EPS15: variants seen among roughly 807,000 people sequenced by gnomAD.
The protein encoded by EPS15 is epidermal growth factor receptor substrate 15.
In EPS15, 72 loss-of-function variants were observed where a neutral mutation model predicts 113.8. The observed-to-expected ratio is 0.63, with a 90% CI of 0.52 to 0.77. EPS15 has a LOEUF of 0.77. Among genes scored for constraint, EPS15 ranks in the 30% least tolerant of loss-of-function variants. The pLI, the probability that EPS15 is intolerant of heterozygous loss-of-function variation, is 0.00. For missense variants in EPS15, 1,048 were observed against 1,045.8 expected (o/e 1.00, Z -0.03); for synonymous variants, 344 against 363.4 (o/e 0.95, Z 0.61).
At chr1:51,390,698 A>C (rs999529090) in intron 21 of EPS15, among the ~76,000 whole-genome samples, 1 of 152,238 alleles carries the variant, frequency 6.6e-6, no homozygotes, top group Non-Finnish European at 1.5e-5. Context: ...TATGCAGCCA[A>C]CAGACACGTG....
chr1:51,468,134 T>A (rs1654983409), intron 5 of EPS15, among the ~76,000 whole-genome samples: 1 of 151,964 alleles, frequency 6.6e-6, no homozygotes. Context: ...AAATTTTAGA[T>A]TTTTTTGTAG....
chr1:51,482,765 C>T (rs1300692631), intron 1 of EPS15, among the ~76,000 whole-genome samples: 1 of 151,966 alleles, frequency 6.6e-6, no homozygotes, highest in Non-Finnish European at 1.5e-5. Flanking sequence ...CACACCCGGC[C>T]TTAGGAAGTA....
Position 51,421,777 on chromosome 1 carries a change from G to A in EPS15, c.1113+9C>T, listed in dbSNP as rs1477527698. 1 of 1,535,530 alleles carries A rather than the reference G, an allele frequency of 6.5e-7. No homozygotes were observed. The highest frequency in any genetic ancestry group is 1.8e-5 in the Admixed American group (1 of 54,594). ...CAGCAGTGGAACACTAAATTTTATG[G>A]TCACTTACCTGAACCTCACTTGTCC... is the stretch of plus-strand genomic sequence containing the variant. On this transcript the variant is annotated intron_variant, in intron 13 of 24. Coordinates refer to ENST00000371733, the MANE Select transcript of EPS15 (RefSeq NM_001981.3).
chr1:51,475,554 A>T (rs560528445), intron 2 of EPS15, among the ~76,000 whole-genome samples: 12 of 152,196 alleles, frequency 7.9e-5, no homozygotes, highest in African/African-American at 2.6e-4. Flanking sequence ...AATTTGTCTA[A>T]GTTCTTTGTA....
In EPS15 at chr1:51,409,618, G is replaced by A; in HGVS notation, c.1192C>T (p.Leu398Phe). Residue 398 changes from leucine to phenylalanine, a missense_variant, in exon 14 of 25, where the codon CTT becomes TTT. By Grantham distance (22) the Leu-to-Phe change is conservative. Coordinates refer to ENST00000371733, the MANE Select transcript of EPS15 (RefSeq NM_001981.3). ...QAQKQQVQEL[L>F]DELDEQKAQL... ...GCTTTCTGCTCATCCAGTTCATCAA[G>A]GAGTTCCTGTACCTGCTGTTTCTGG... 6.2e-7 allele frequency: 1 copy of A among 1,613,868 alleles called. No individual in the cohort carries two copies.
At chr1:51,397,836 C>T (rs770825839) in intron 20 of EPS15, among the ~76,000 whole-genome samples, 20 of 152,144 alleles carry the variant, frequency 1.3e-4, no homozygotes, top group Non-Finnish European at 2.8e-4. Flanking sequence ...GCTTCAAATG[C>T]TTCTCAGTTA....
intron 11 of EPS15, 49 bp from the exon 12 acceptor site, chr1:51,440,481 A>AT (rs1557471753): frequency 1.1e-6 from 1 of 869,978 alleles, no homozygotes; most frequent in Admixed American, 2.2e-5. Context: ...ATTAGGTAAT[A>AT]TAAGACAAAA....
chr1:51,465,316 C>T lies in EPS15; in HGVS notation c.320G>A (p.Ser107Asn). Residue 107 changes from serine to asparagine, a missense_variant, in exon 6 of 25, where the codon AGT becomes AAT. By Grantham distance (46) the Ser-to-Asn change is conservative. Transcript: ENST00000371733. The part of the protein sequence containing the change: ...AVPPPRFHDT[S>N]SPLLISGTSA... ...GGTTCCACTGATTAGCAAAGGACTA[C>T]TGGTATCATGCTATAGAAGAAAGTA... 2 of 1,608,818 alleles carry T rather than the reference C, an allele frequency of 1.2e-6. No individual in the cohort carries two copies. Among genetic ancestry groups the T allele is most frequent in the Non-Finnish European group, 1.7e-6 (2 of 1,176,036 alleles).
intron 12 of EPS15, among the ~76,000 whole-genome samples, chr1:51,428,183 TCAGA>T (rs1166259597): frequency 2.6e-5 from 4 of 152,122 alleles, no homozygotes; most frequent in African/African-American, 9.7e-5. Flanking sequence ...TAAAATATTC[TCAGA>T]CAAACAAAGG....
chr1:51,460,959 GAAAA>G, intron 8 of EPS15, 128 bp downstream of exon 8: 1 of 475,514 alleles, frequency 2.1e-6, no homozygotes, highest in East Asian at 4.0e-5. Context: ...GTCTCAAAAA[GAAAA>G]AAAAAAAAAG....
chr1:51,357,426 A>ATATATATATAT (rs1443627608), intron 24 of EPS15, among the ~76,000 whole-genome samples: 4 of 53,522 alleles, frequency 7.5e-5, no homozygotes, highest in African/African-American at 3.9e-4. Flanking sequence ...ATATATATAT[A>ATATATATATAT]TTTTTTTTTT....
chr1:51,421,390 T>C (rs537847791), intron 13 of EPS15, among the ~76,000 whole-genome samples: 6 of 152,210 alleles, frequency 3.9e-5, no homozygotes, highest in Admixed American at 2.6e-4. Context: ...AAACCTCACA[T>C]GCATGAAAAA....
intron 1 of EPS15, among the ~76,000 whole-genome samples, chr1:51,509,336 A>C (rs1644578656): frequency 6.6e-6 from 1 of 152,176 alleles, no homozygotes; most frequent in Non-Finnish European, 1.5e-5. Flanking sequence ...CTTAGTATAA[A>C]TGATCCATCA....
In EPS15 at chr1:51,402,403, T is replaced by C. The variant is rs963421481; in HGVS notation, c.1882+32A>G. 1.2e-5 allele frequency: 14 copies of C among 1,180,106 alleles called. No homozygotes were observed. The Middle Eastern group carries it at 8.0e-4, about 67-fold the overall frequency. The allele number at this position is 1,180,106 out of a possible 1,614,324, so 73.1% of individuals were successfully genotyped here. A position where few individuals can be genotyped will look rare whatever the true frequency, so the allele number is the denominator to read the frequency against. ...TATATTAAAAAGTCTTTTTTTTGGGTAAATCTATAATATAAAAAAAAGAGT... is the reference window on the plus strand; with the variant it reads ...TATATTAAAAAGTCTTTTTTTTGGGCAAATCTATAATATAAAAAAAAGAGT... On this transcript the variant is annotated intron_variant, in intron 18 of 24. Transcript: ENST00000371733.
In EPS15 at chr1:51,361,334, A is replaced by C; in HGVS notation, c.2381T>G (p.Leu794Trp). ...CAGTTTAAAGGGATCAGGAGAATCC[A>C]ATTTGTTGATGGATCTTTTCCCTGG... ...LPPGKRSINK[L>W]DSPDPFKLND... Residue 794 changes from leucine to tryptophan, a missense_variant, in exon 24 of 25, where the codon TTG becomes TGG. By Grantham distance (61) the Leu-to-Trp change is moderately conservative. Coordinates refer to ENST00000371733, the MANE Select transcript of EPS15 (RefSeq NM_001981.3). The C allele has an allele frequency of 6.2e-7, 1 of 1,611,142 alleles. No homozygotes were observed.
At chr1:51,512,537 A>G (rs1644640861) in intron 1 of EPS15, among the ~76,000 whole-genome samples, 1 of 152,210 alleles carries the variant, frequency 6.6e-6, no homozygotes, top group South Asian at 2.1e-4. Flanking sequence ...TTTGCAAAGA[A>G]GGGCAAATTT....
At chr1:51,508,052 T>C (rs1461364904) in intron 1 of EPS15, among the ~76,000 whole-genome samples, 3 of 151,486 alleles carry the variant, frequency 2.0e-5, no homozygotes, top group East Asian at 1.9e-4. Context: ...CATGGTGGTG[T>C]GCACCTGTAG....
chr1:51,373,992 T>C (rs1363054795), intron 21 of EPS15, among the ~76,000 whole-genome samples: 1 of 152,128 alleles, frequency 6.6e-6, no homozygotes, highest in Non-Finnish European at 1.5e-5. Context: ...TCACAGCTTG[T>C]GGTTTCTGGA....
intron 1 of EPS15, among the ~76,000 whole-genome samples, chr1:51,485,301 T>C (rs1557515082): frequency 6.6e-6 from 1 of 152,258 alleles, no homozygotes; most frequent in Non-Finnish European, 1.5e-5. Context: ...TCATCGGACT[T>C]CCGAGGCTAG....
Sources: allele counts gnomAD v4.1 joint callset (sites outside exome capture counted in the v4.1 genomes callset), GRCh38; gene constraint gnomAD v4.1.1; transcripts MANE v1.5; gene names NCBI Gene and HGNC (gene_info 2026-07-23, HGNC 2026-07-21).